Variants in MALRD1 observed in about 807,000 individuals in gnomAD.
MALRD1 encodes the protein MAM and LDL receptor class A domain containing 1.
In MALRD1, 247 loss-of-function variants were observed where a neutral mutation model predicts 242.1. The observed-to-expected ratio is 1.02, with a 90% confidence interval of 0.92 to 1.13. The LOEUF (loss-of-function observed/expected upper bound fraction) is 1.13. Ranked by LOEUF, MALRD1 falls within the 50% of genes most tolerant of loss-of-function variation. The probability of loss-of-function intolerance (pLI) is 0.00; values close to 1 mark genes in which losing one functional copy is unlikely to be tolerated. For synonymous variants in MALRD1, 995 were observed against 866.6 expected, an observed-to-expected ratio of 1.15 and a Z score of -2.60; for missense variants, 2,989 against 2,533.1, an observed-to-expected ratio of 1.18 and a Z score of -3.86.
intron 26 of MALRD1, among the ~76,000 whole-genome samples, chr10:19,364,206 T>C (rs1266060855): frequency 6.6e-6 from 1 of 152,162 alleles, no homozygotes; most frequent in African/African-American, 2.4e-5. Context: ...GGTGATGCTC[T>C]GTGGATCTTG....
At chr10:19,407,539 A>G (rs891843541) in intron 28 of MALRD1, among the ~76,000 whole-genome samples, 4 of 151,958 alleles carry the variant, frequency 2.6e-5, no homozygotes, top group African/African-American at 9.6e-5. Context: ...TAAAGCATAG[A>G]CAAATTGACA....
At chr10:19,183,529 AT>A (rs1445171827) in intron 14 of MALRD1, among the ~76,000 whole-genome samples, 1 of 152,170 alleles carries the variant, frequency 6.6e-6, no homozygotes, top group African/African-American at 2.4e-5. Context: ...AACATTTAAT[AT>A]TTTAATGCTA....
chr10:19,293,159 A>C (rs1841529918), intron 21 of MALRD1, among the ~76,000 whole-genome samples: 1 of 152,188 alleles, frequency 6.6e-6, no homozygotes, highest in Admixed American at 6.5e-5. Flanking sequence ...CATAATTTCT[A>C]ACAGATCAAG....
At chr10:19,113,655 T>C (rs1437000314) in intron 5 of MALRD1, among the ~76,000 whole-genome samples, 1 of 151,896 alleles carries the variant, frequency 6.6e-6, no homozygotes, top group African/African-American at 2.4e-5. Flanking sequence ...CTTTCTTTCT[T>C]TTTTTTCTTT....
intron 28 of MALRD1, among the ~76,000 whole-genome samples, chr10:19,444,545 T>G (rs2131005443): frequency 6.6e-6 from 1 of 152,260 alleles, no homozygotes; most frequent in Admixed American, 6.5e-5. Flanking sequence ...TGTAAAGGAT[T>G]TTATTTCTCT....
At chr10:19,697,292 C>G (rs369112068) in intron 38 of MALRD1, among the ~76,000 whole-genome samples, 33 of 152,094 alleles carry the variant, frequency 2.2e-4, no homozygotes, top group African/African-American at 7.5e-4. Context: ...ATCTACAGGG[C>G]AAACCACCAG....
chr10:19,614,330 A>G (rs552361060), intron 35 of MALRD1, among the ~76,000 whole-genome samples: 58 of 152,160 alleles, frequency 3.8e-4, no homozygotes, highest in Non-Finnish European at 6.6e-4. Flanking sequence ...TTATATTTCC[A>G]GTGCCCAGCC....
chr10:19,554,309 C>T (rs540430541), intron 32 of MALRD1, among the ~76,000 whole-genome samples: 1 of 152,168 alleles, frequency 6.6e-6, no homozygotes, highest in Admixed American at 6.5e-5. Context: ...GGGTAGCAGG[C>T]AATGTCACGT....
intron 5 of MALRD1, among the ~76,000 whole-genome samples, chr10:19,106,793 G>T (rs1055734093): frequency 2.0e-5 from 3 of 151,734 alleles, no homozygotes; most frequent in African/African-American, 7.2e-5. Flanking sequence ...CTTAGAATTG[G>T]TTTTGCTGTG....
chr10:19,415,389 A>G, intron 28 of MALRD1, among the ~76,000 whole-genome samples: 1 of 152,174 alleles, frequency 6.6e-6, no homozygotes, highest in East Asian at 1.9e-4. Flanking sequence ...ATTATTAGAC[A>G]AAATCAATAC....
intron 32 of MALRD1, among the ~76,000 whole-genome samples, chr10:19,536,530 T>G (rs1016146900): frequency 2.0e-5 from 3 of 152,090 alleles, no homozygotes; most frequent in Admixed American, 6.6e-5. Context: ...TTCTCATCTC[T>G]TTCGTAGCCC....
At chr10:19,540,259 T>A (rs2131374713) in intron 32 of MALRD1, among the ~76,000 whole-genome samples, 1 of 152,222 alleles carries the variant, frequency 6.6e-6, no homozygotes, top group Non-Finnish European at 1.5e-5. Context: ...CATATAATCG[T>A]CAGAATAGGA....
intron 26 of MALRD1, among the ~76,000 whole-genome samples, chr10:19,374,132 A>T (rs1293102532): frequency 6.6e-6 from 1 of 152,194 alleles, no homozygotes; most frequent in Non-Finnish European, 1.5e-5. Flanking sequence ...TAACGTTTTC[A>T]ATGACTTAGT....
chr10:19,154,993 G>A (rs1834087109), intron 11 of MALRD1, 82 bp from the exon 12 acceptor site: 3 of 710,890 alleles, frequency 4.2e-6, no homozygotes, highest in Admixed American at 4.3e-5. Flanking sequence ...TTTAGCATGT[G>A]CAAGGATAAG....
chr10:19,484,883 C>T (rs546352191), intron 29 of MALRD1, among the ~76,000 whole-genome samples: 2 of 152,246 alleles, frequency 1.3e-5, no homozygotes, highest in East Asian at 3.9e-4. Flanking sequence ...GTATGTTTAT[C>T]AACAGCACAA....
Position 19,132,013 on chromosome 10 carries a change from A to G in MALRD1, c.1111-1843A>G, listed in dbSNP as rs534758865. The stretch of plus-strand genomic sequence containing the variant: ...CTAGTGCCATCAGACTGGAAAATGT[A>G]TAGAAAAATCTAGATCTCATTCACT... On this transcript the variant is annotated intron_variant, in intron 8 of 39. Transcript: ENST00000454679. Among the ~76,000 whole-genome samples, 4 of 152,314 alleles carry G rather than the reference A, an allele frequency of 2.6e-5. No homozygotes were observed. In the South Asian group the frequency reaches 8.3e-4, roughly 32 times the overall value.
At chr10:19,198,235 C>T (rs1836353818) in intron 14 of MALRD1, among the ~76,000 whole-genome samples, 1 of 152,120 alleles carries the variant, frequency 6.6e-6, no homozygotes. Context: ...AGGTGAGATT[C>T]CTGTGTCACA....
intron 28 of MALRD1, among the ~76,000 whole-genome samples, chr10:19,442,118 G>T (rs939392122): frequency 6.6e-6 from 1 of 152,104 alleles, no homozygotes; most frequent in African/African-American, 2.4e-5. Flanking sequence ...GTTCACTCAT[G>T]ATTTGGCTCT....
intron 32 of MALRD1, among the ~76,000 whole-genome samples, chr10:19,551,461 T>C (rs896240005): frequency 2.6e-5 from 4 of 152,288 alleles, no homozygotes; most frequent in Admixed American, 2.0e-4. Context: ...TTTGTATCTT[T>C]AGACTTTACT....
Sources: allele counts gnomAD v4.1 joint callset (sites outside exome capture counted in the v4.1 genomes callset), GRCh38; gene constraint gnomAD v4.1.1; transcripts MANE v1.5; gene names NCBI Gene and HGNC (gene_info 2026-07-23, HGNC 2026-07-21).